BMPER: variants seen among roughly 807,000 people sequenced by gnomAD.
BMPER encodes the protein BMP binding endothelial regulator, also known as BMP-binding endothelial regulator protein.
Under a neutral mutation model 87.3 loss-of-function variants are expected in BMPER, and 45 were observed. The observed-to-expected ratio is 0.52, with a 90% CI of 0.41 to 0.66. The LOEUF (loss-of-function observed/expected upper bound fraction) is 0.66, where lower values mean the gene tolerates loss of function less well. Among genes scored for constraint, BMPER ranks in the 30% least tolerant of loss-of-function variants. The pLI, the probability that BMPER is intolerant of heterozygous loss-of-function variation, is 0.00. For missense variants in BMPER, 784 were observed against 867.5 expected (o/e 0.90, Z 1.21); for synonymous variants, 326 against 316.2 (o/e 1.03, Z -0.33).
At chr7:34,011,698 A>T (rs1010001913) in intron 6 of BMPER, among the ~76,000 whole-genome samples, 4 of 151,812 alleles carry the variant, frequency 2.6e-5, no homozygotes, top group African/African-American at 9.7e-5. Context: ...GAACAAGCAC[A>T]TTCCAGAAAC....
intron 14 of BMPER, among the ~76,000 whole-genome samples, chr7:34,147,057 T>C (rs1230584617): frequency 2.6e-5 from 4 of 152,238 alleles, no homozygotes; most frequent in African/African-American, 9.6e-5. Context: ...TCATACATTT[T>C]ATACATGGAA....
chr7:33,954,774 T>C (rs531040259), intron 3 of BMPER, among the ~76,000 whole-genome samples: 1 of 152,328 alleles, frequency 6.6e-6, no homozygotes, highest in South Asian at 2.1e-4. Flanking sequence ...AGGTGTGGGC[T>C]TATGGTGTGG....
chr7:33,909,455 G>T (rs948887341), intron 2 of BMPER, among the ~76,000 whole-genome samples: 3 of 152,098 alleles, frequency 2.0e-5, no homozygotes, highest in Admixed American at 2.0e-4. Context: ...GTTGACATTT[G>T]TTAATCGCAT....
chr7:34,026,794 C>T (rs1049834956), intron 6 of BMPER, among the ~76,000 whole-genome samples: 1 of 152,070 alleles, frequency 6.6e-6, no homozygotes, highest in African/African-American at 2.4e-5. Context: ...ATTTTTTACC[C>T]ACACAACAGG....
intron 6 of BMPER, among the ~76,000 whole-genome samples, chr7:33,994,138 T>C (rs996764005): frequency 5.3e-5 from 8 of 152,310 alleles, no homozygotes; most frequent in African/African-American, 1.7e-4. Context: ...TGAGCTGTGG[T>C]GGGCTCCACC....
chr7:34,011,857 A>C (rs1786890803), intron 6 of BMPER, among the ~76,000 whole-genome samples: 1 of 151,878 alleles, frequency 6.6e-6, no homozygotes. Flanking sequence ...CTCCTTGGAA[A>C]GGCTTTCAGA....
chr7:33,985,493 A>T (rs1014099358), intron 6 of BMPER, among the ~76,000 whole-genome samples: 2 of 152,060 alleles, frequency 1.3e-5, no homozygotes, highest in African/African-American at 4.8e-5. Flanking sequence ...TGTTTCTCTG[A>T]TTATTTCTTT....
chr7:33,911,304 C>T (rs1291279245), intron 2 of BMPER, among the ~76,000 whole-genome samples: 1 of 152,206 alleles, frequency 6.6e-6, no homozygotes, highest in African/African-American at 2.4e-5. Flanking sequence ...TTTATTCAGG[C>T]TCAGAGAAGT....
intron 3 of BMPER, among the ~76,000 whole-genome samples, chr7:33,954,832 T>C (rs567865501): frequency 1.6e-4 from 24 of 152,298 alleles, no homozygotes; most frequent in African/African-American, 5.5e-4. Context: ...GATCAGTAGC[T>C]GCTTTTCTTG....
intron 6 of BMPER, among the ~76,000 whole-genome samples, chr7:34,024,392 T>A (rs1384816080): frequency 0.017 from 142 of 8,118 alleles, no homozygotes; most frequent in African/African-American, 0.076. Flanking sequence ...ACAATATATA[T>A]ATATATATAT....
chr7:34,016,279 T>C (rs1324943896), intron 6 of BMPER, among the ~76,000 whole-genome samples: 6 of 151,980 alleles, frequency 3.9e-5, no homozygotes, highest in African/African-American at 1.4e-4. Context: ...ACTAACTATA[T>C]GAAACAGTCT....
chr7:34,029,722 G>T (rs1210020118), intron 6 of BMPER, among the ~76,000 whole-genome samples: 2 of 152,068 alleles, frequency 1.3e-5, no homozygotes, highest in Non-Finnish European at 2.9e-5. Flanking sequence ...GCAGGACTAA[G>T]GGGCAAAGTT....
chr7:34,051,183 C>T lies in BMPER; in HGVS notation c.677-678C>T, dbSNP rs192327717. ...AGGGCACTAATCTAAGTCATGAGAG[C>T]TTTGCTCTCCTGACCTAATCACCTT... On this transcript the variant is annotated intron_variant, in intron 7 of 14. Coordinates refer to ENST00000649409, the MANE Select transcript of BMPER (RefSeq NM_001365308.1). Among the ~76,000 whole-genome samples, 396 of 152,266 alleles carry T rather than the reference C, an allele frequency of 2.6e-3. 1 individual carries two copies. Among genetic ancestry groups the T allele is most frequent in the Non-Finnish European group, 4.4e-3 (296 of 68,024 alleles).
intron 2 of BMPER, among the ~76,000 whole-genome samples, chr7:33,921,392 CA>C (rs1784227161): frequency 1.3e-5 from 2 of 152,146 alleles, no homozygotes; most frequent in Admixed American, 1.3e-4. Flanking sequence ...AAAGAAAAAG[CA>C]AGGCGAAAGT....
chr7:34,019,563 GTGA>G (rs2127945516), intron 6 of BMPER, among the ~76,000 whole-genome samples: 1 of 152,178 alleles, frequency 6.6e-6, no homozygotes, highest in Non-Finnish European at 1.5e-5. Flanking sequence ...CCTCCTTGAA[GTGA>G]TGATGTCACA....
chr7:33,950,029 T>A (rs753739522), intron 3 of BMPER, among the ~76,000 whole-genome samples: 1 of 152,222 alleles, frequency 6.6e-6, no homozygotes, highest in African/African-American at 2.4e-5. Flanking sequence ...GCTTTCCTTG[T>A]CAAATTTATC....
intron 6 of BMPER, among the ~76,000 whole-genome samples, chr7:33,991,591 A>C (rs1786220964): frequency 1.3e-5 from 2 of 152,004 alleles, no homozygotes; most frequent in East Asian, 3.9e-4. Flanking sequence ...TAATTTTTTG[A>C]AGGGTTTTTT....
intron 1 of BMPER, 116 bp from the exon 2 acceptor site, chr7:33,906,702 A>T: frequency 1.1e-6 from 1 of 890,046 alleles, no homozygotes; most frequent in Non-Finnish European, 1.8e-6. Context: ...AAACCACATT[A>T]AGAATTCTGA....
chr7:34,076,260 G>A (rs1788862113), intron 11 of BMPER, among the ~76,000 whole-genome samples: 1 of 152,116 alleles, frequency 6.6e-6, no homozygotes, highest in Non-Finnish European at 1.5e-5. Flanking sequence ...GCTTTGTCAT[G>A]TAATTGGCCT....
Sources: gnomAD v4.1 joint callset for allele counts (sites outside exome capture counted in the v4.1 genomes callset) on GRCh38, gnomAD v4.1.1 for gene constraint, MANE v1.5 for transcripts, NCBI Gene and HGNC (gene_info 2026-07-23, HGNC 2026-07-21) for gene names.